ZNF57: variants seen among roughly 807,000 people sequenced by gnomAD.
ZNF57 encodes zinc finger protein 57.
ZNF57 carries 11 observed loss-of-function variants against 13.4 expected under a neutral mutation model. That is an observed-to-expected ratio of 0.82 (90% confidence interval 0.52 to 1.36). The LOEUF (loss-of-function observed/expected upper bound fraction) is 1.36, where lower values mean the gene tolerates loss of function less well. Among genes scored for constraint, ZNF57 ranks in the 40% most tolerant of loss-of-function variants. ZNF57 has a pLI of 0.00. For missense variants in ZNF57, 696 were observed against 667.5 expected, an observed-to-expected ratio of 1.04 and a Z score of -0.47; for synonymous variants, 224 against 238.5, an observed-to-expected ratio of 0.94 and a Z score of 0.56.
intron 1 of ZNF57, among the ~76,000 whole-genome samples, chr19:2,905,973 C>T (rs373268414): frequency 6.6e-6 from 1 of 152,154 alleles, no homozygotes; most frequent in Non-Finnish European, 1.5e-5. Context: ...GGCATTGTTT[C>T]CTTCCTCAGT....
intron 1 of ZNF57, among the ~76,000 whole-genome samples, chr19:2,911,813 T>G (rs141860901): frequency 6.6e-6 from 1 of 152,348 alleles, no homozygotes; most frequent in East Asian, 1.9e-4. Flanking sequence ...CATGGCTTTT[T>G]CATTCTTAGG....
chr19:2,913,894 A>C (rs6510721), intron 1 of ZNF57, among the ~76,000 whole-genome samples: 2 of 152,104 alleles, frequency 1.3e-5, no homozygotes, highest in South Asian at 4.1e-4. Context: ...ATCTGCCTTG[A>C]TCTCCCAAAA....
At chr19:2,916,790 T>A in intron 3 of ZNF57, 134 bp from the exon 4 acceptor site, 1 of 706,410 alleles carries the variant, frequency 1.4e-6, no homozygotes, top group Non-Finnish European at 2.2e-6. Context: ...AATATGTCTC[T>A]TCAAACAATT....
intron 1 of ZNF57, among the ~76,000 whole-genome samples, chr19:2,913,253 A>T (rs2088156978): frequency 6.6e-6 from 1 of 152,132 alleles, no homozygotes; most frequent in Non-Finnish European, 1.5e-5. Flanking sequence ...CTGCTAAATC[A>T]GTTTTGTTTG....
In ZNF57 at chr19:2,918,199, C is replaced by A; in HGVS notation, c.1578C>A (p.His526Gln). The A allele has an allele frequency of 6.2e-7, 1 of 1,614,244 alleles. No individual in the cohort carries two copies. The highest frequency in any genetic ancestry group is 8.5e-7 in the Non-Finnish European group (1 of 1,180,040). The change falls in exon 4 of 4, where the codon CAC becomes CAA. Residue 526 changes from histidine (H) to glutamine (Q), a missense_variant. By Grantham distance (24) the His-to-Gln change is conservative. Coordinates refer to ENST00000306908, the MANE Select transcript of ZNF57 (RefSeq NM_173480.3). The stretch of plus-strand genomic sequence containing the variant: ...CCTTCCGGAACCATCTGAGGATGCA[C>A]ACAGGACAGAAATCCCACGAATGTC... ...HSSFRNHLRM[H>Q]TGQKSHECQS...
chr19:2,904,982 G>A (rs1230358065), intron 1 of ZNF57, among the ~76,000 whole-genome samples: 13 of 152,174 alleles, frequency 8.5e-5, no homozygotes, highest in Non-Finnish European at 4.4e-5. Flanking sequence ...TGAACTTGCA[G>A]TTGATGTGGA....
At chr19:2,912,416 G>A (rs1440306986) in intron 1 of ZNF57, among the ~76,000 whole-genome samples, 1 of 152,184 alleles carries the variant, frequency 6.6e-6, no homozygotes, top group East Asian at 1.9e-4. Context: ...TGCTAACTCA[G>A]ACTTGGGCCC....
intron 1 of ZNF57, among the ~76,000 whole-genome samples, chr19:2,906,657 C>T (rs952873005): frequency 1.3e-5 from 2 of 152,170 alleles, no homozygotes; most frequent in African/African-American, 2.4e-5. Context: ...GAGCGTCGTC[C>T]TGGCTGTGAA....
intron 1 of ZNF57, among the ~76,000 whole-genome samples, chr19:2,903,677 T>G (rs552236681): frequency 6.6e-6 from 1 of 151,984 alleles, no homozygotes; most frequent in East Asian, 1.9e-4. Context: ...TTACCATTTA[T>G]TATTTATCAC....
chr19:2,917,702 G>GA lies in ZNF57; in HGVS notation c.1082dup (p.Lys362GlufsTer4). The GA allele has an allele frequency of 6.2e-7, 1 of 1,613,978 alleles. No individual in the cohort carries two copies. Among genetic ancestry groups the GA allele is most frequent in the Non-Finnish European group, 8.5e-7 (1 of 1,179,964 alleles). On this transcript the variant is annotated frameshift_variant, in exon 4 of 4. Coordinates refer to ENST00000306908, the MANE Select transcript of ZNF57 (RefSeq NM_173480.3). LOFTEE classifies it low-confidence loss of function (END_TRUNC). ...AGGTCATTTGAGGACGCACACTGGA[G>GA]AGAAACCTTATGAGTGTAAACAATG...
At chr19:2,915,968 C>T in intron 2 of ZNF57, 110 bp from the exon 3 acceptor site, 1 of 1,208,820 alleles carries the variant, frequency 8.3e-7, no homozygotes, top group Non-Finnish European at 1.2e-6. Context: ...ACATTTTGAC[C>T]CCTTATGTCT....
In ZNF57 at chr19:2,917,495, C is replaced by G; in HGVS notation, c.874C>G (p.Pro292Ala). 1.2e-6 allele frequency: 2 copies of G among 1,612,084 alleles called. No individual in the cohort carries two copies. The highest frequency in any genetic ancestry group is 1.7e-6 in the Non-Finnish European group (2 of 1,179,274). Residue 292 changes from proline to alanine, a missense_variant, in exon 4 of 4, where the codon CCC becomes GCC. Pro to Ala is a conservative substitution (Grantham distance 27). Transcript: ENST00000306908. ...CQHCGKAFTY[P>A]QAFQRHEKTH... ...GCACTGTGGGAAAGCCTTCACTTAC[C>G]CCCAGGCTTTTCAAAGACATGAGAA...
chr19:2,912,566 G>C (rs182902080), intron 1 of ZNF57, among the ~76,000 whole-genome samples: 11 of 152,066 alleles, frequency 7.2e-5, no homozygotes, highest in African/African-American at 2.2e-4. Context: ...GTTTGAGGGG[G>C]CAGAGCTTGC....
chr19:2,912,989 T>C (rs1244015398), intron 1 of ZNF57, among the ~76,000 whole-genome samples: 1 of 152,212 alleles, frequency 6.6e-6, no homozygotes. Flanking sequence ...AGTCTTGCCC[T>C]GTCACCCAGG....
In ZNF57 at chr19:2,905,407, G is replaced by C. The variant is rs202216395; in HGVS notation, c.3+4359G>C. ...CTCGAACTCTTGACTTCAGGTGATC[G>C]CCCCCCCCCCCTCGGCATTCCAAAG... On this transcript the variant is annotated intron_variant, in intron 1 of 3. Transcript: ENST00000306908. 4.5e-3 allele frequency among the ~76,000 whole-genome samples: 157 copies of C among 34,790 alleles called. 41 individuals are homozygous for C. The highest frequency in any genetic ancestry group is 6.3e-3 in the Admixed American group (19 of 2,996). 22.8% of individuals were successfully genotyped at this position (34,790 alleles called of 152,430 possible). A position where few individuals can be genotyped will look rare whatever the true frequency, so the allele number is the denominator to read the frequency against.
chr19:2,918,427 G>A lies in ZNF57; in HGVS notation c.*138G>A. ...CCTCATTTGTAAAACAGACCCATTA[G>A]TCGTGAATTTCCAGCTCTTTCAAAA... On this transcript the variant is annotated 3_prime_UTR_variant, in exon 4 of 4. Coordinates refer to ENST00000306908, the MANE Select transcript of ZNF57 (RefSeq NM_173480.3). 1 of 926,014 alleles carries A rather than the reference G, an allele frequency of 1.1e-6. No homozygotes were observed. The highest frequency in any genetic ancestry group is 1.9e-5 in the South Asian group (1 of 53,052). 57.4% of individuals were successfully genotyped at this position (926,014 alleles called of 1,614,324 possible).
At chr19:2,902,213 G>C (rs1319104927) in intron 1 of ZNF57, among the ~76,000 whole-genome samples, 1 of 151,124 alleles carries the variant, frequency 6.6e-6, no homozygotes, top group Non-Finnish European at 1.5e-5. Flanking sequence ...AGGCAGTTTG[G>C]GGGACGACCT....
intron 1 of ZNF57, among the ~76,000 whole-genome samples, chr19:2,902,618 A>G (rs887627558): frequency 1.3e-5 from 2 of 152,334 alleles, no homozygotes; most frequent in Middle Eastern, 3.4e-3. Context: ...TACAAGGTGC[A>G]GAGTTTGCGA....
intron 1 of ZNF57, among the ~76,000 whole-genome samples, chr19:2,903,808 G>T (rs979113116): frequency 1.3e-5 from 2 of 151,116 alleles, no homozygotes; most frequent in Non-Finnish European, 3.0e-5. Flanking sequence ...TCCGCCCTCC[G>T]GGGTTCACGC....
Sources: gnomAD v4.1 joint callset for allele counts (sites outside exome capture counted in the v4.1 genomes callset) on GRCh38, gnomAD v4.1.1 for gene constraint, MANE v1.5 for transcripts, NCBI Gene and HGNC (gene_info 2026-07-23, HGNC 2026-07-21) for gene names.